Variants in NTM observed in about 807,000 individuals in gnomAD.
NTM encodes neurotrimin.
Under a neutral mutation model 42.1 loss-of-function variants are expected in NTM, and 13 were observed. That is an observed-to-expected ratio of 0.31 (90% CI 0.20 to 0.49). The LOEUF (loss-of-function observed/expected upper bound fraction) is 0.49. NTM is among the 20% of genes least tolerant of loss of function. NTM has a pLI of 0.99. For missense variants in NTM, 373 were observed against 452.8 expected (o/e 0.82, Z 1.60); for synonymous variants, 187 against 179.2 (o/e 1.04, Z -0.35).
chr11:131,977,567 C>G (rs1177479744), intron 2 of NTM, among the ~76,000 whole-genome samples: 1 of 152,204 alleles, frequency 6.6e-6, no homozygotes, highest in Admixed American at 6.5e-5. Flanking sequence ...AGCTCATTGA[C>G]TAATTTACTC....
chr11:131,701,994 T>C (rs1293557083), intron 1 of NTM, among the ~76,000 whole-genome samples: 1 of 152,238 alleles, frequency 6.6e-6, no homozygotes, highest in Non-Finnish European at 1.5e-5. Flanking sequence ...CACACAACCA[T>C]GGCTCCTGTC....
At chr11:131,951,010 T>A (rs1440167754) in intron 2 of NTM, among the ~76,000 whole-genome samples, 1 of 152,206 alleles carries the variant, frequency 6.6e-6, no homozygotes, top group African/African-American at 2.4e-5. Flanking sequence ...ATTGTTTTTT[T>A]TTAATGGACT....
intron 3 of NTM, among the ~76,000 whole-genome samples, chr11:132,192,781 A>G (rs778076164): frequency 3.3e-5 from 5 of 152,186 alleles, no homozygotes; most frequent in Non-Finnish European, 4.4e-5. Flanking sequence ...CAACACCCAT[A>G]GGCTCAAAAT....
At chr11:131,564,001 G>T (rs1235529417) in intron 1 of NTM, among the ~76,000 whole-genome samples, 1 of 152,120 alleles carries the variant, frequency 6.6e-6, no homozygotes, top group East Asian at 1.9e-4. Context: ...CCTGCAACCT[G>T]AGGCCACCAA....
At chr11:132,138,511 G>T (rs963978480) in intron 2 of NTM, among the ~76,000 whole-genome samples, 1 of 152,172 alleles carries the variant, frequency 6.6e-6, no homozygotes, top group Non-Finnish European at 1.5e-5. Flanking sequence ...TGTCATGTTC[G>T]AAGCAGTGTG....
intron 2 of NTM, among the ~76,000 whole-genome samples, chr11:131,974,080 A>C (rs1398908820): frequency 1.3e-5 from 2 of 152,108 alleles, no homozygotes; most frequent in Admixed American, 1.3e-4. Flanking sequence ...TCTTTTCTCT[A>C]GCTTACTTTA....
intron 2 of NTM, among the ~76,000 whole-genome samples, chr11:131,993,865 C>T (rs557624364): frequency 1.7e-4 from 26 of 151,452 alleles, no homozygotes; most frequent in South Asian, 4.2e-4. Context: ...TAGCTGGGTG[C>T]GGTGGTGTGT....
intron 1 of NTM, among the ~76,000 whole-genome samples, chr11:131,570,443 C>A (rs147067110): frequency 1.3e-5 from 2 of 152,156 alleles, no homozygotes; most frequent in Admixed American, 1.3e-4. Context: ...GAAAGAGATG[C>A]TTTTAGAACA....
intron 2 of NTM, among the ~76,000 whole-genome samples, chr11:132,117,044 A>G (rs1212278913): frequency 6.6e-6 from 1 of 152,218 alleles, no homozygotes; most frequent in Non-Finnish European, 1.5e-5. Context: ...GACTCTCATC[A>G]GCCCCCAAAG....
chr11:131,671,483 G>A (rs2134641786), intron 1 of NTM: 3 of 985,454 alleles, frequency 3.0e-6, no homozygotes, highest in Non-Finnish European at 3.6e-6. Context: ...GGTTGAATCA[G>A]TGTTAGCCCT....
chr11:131,639,986 T>A (rs2064932469), intron 1 of NTM, among the ~76,000 whole-genome samples: 1 of 146,310 alleles, frequency 6.8e-6, no homozygotes, highest in Non-Finnish European at 1.5e-5. Flanking sequence ...AATAATAAAA[T>A]AAAAATAAAT....
intron 4 of NTM, among the ~76,000 whole-genome samples, chr11:132,248,795 GC>G (rs1434105710): frequency 6.6e-6 from 1 of 152,260 alleles, no homozygotes; most frequent in Non-Finnish European, 1.5e-5. Context: ...TGGAGACTCA[GC>G]CGTTGCTATG....
chr11:131,690,618 C>T (rs900445466), intron 1 of NTM, among the ~76,000 whole-genome samples: 1 of 152,254 alleles, frequency 6.6e-6, no homozygotes, highest in Non-Finnish European at 1.5e-5. Context: ...ACAGAACACA[C>T]TTCCCATCTG....
chr11:131,896,350 T>C (rs2052265103), intron 1 of NTM, among the ~76,000 whole-genome samples: 1 of 152,246 alleles, frequency 6.6e-6, no homozygotes, highest in East Asian at 1.9e-4. Flanking sequence ...ATAATATAAA[T>C]GTAAAATAAA....
chr11:132,257,466 C>T (rs548541333), intron 4 of NTM, among the ~76,000 whole-genome samples: 26 of 152,258 alleles, frequency 1.7e-4, no homozygotes, highest in African/African-American at 4.8e-4. Context: ...TAAGAGCTAA[C>T]GGCATCTGTC....
At chr11:131,489,216 C>CA (rs1250615805) in intron 1 of NTM, among the ~76,000 whole-genome samples, 7 of 152,186 alleles carry the variant, frequency 4.6e-5, no homozygotes, top group African/African-American at 1.7e-4. Context: ...CCCTCAGATT[C>CA]ATTCTTCCTT....
At chr11:131,846,280 A>G (rs761876045) in intron 1 of NTM, among the ~76,000 whole-genome samples, 5 of 152,140 alleles carry the variant, frequency 3.3e-5, no homozygotes, top group Non-Finnish European at 7.4e-5. Flanking sequence ...AGAGAGGCAT[A>G]AGAGTTTTGT....
chr11:131,783,802 C>A (rs951010637), intron 1 of NTM, among the ~76,000 whole-genome samples: 1 of 152,100 alleles, frequency 6.6e-6, no homozygotes, highest in African/African-American at 2.4e-5. Flanking sequence ...CTCATCCAAA[C>A]TGAAATCTTT....
At chr11:131,594,923 T>A (rs1266728431) in intron 1 of NTM, among the ~76,000 whole-genome samples, 1 of 152,180 alleles carries the variant, frequency 6.6e-6, no homozygotes, top group Admixed American at 6.5e-5. Context: ...TAGCCATGTG[T>A]CTTTAAGCCA....
Sources: allele counts gnomAD v4.1 joint callset (sites outside exome capture counted in the v4.1 genomes callset), GRCh38; gene constraint gnomAD v4.1.1; transcripts MANE v1.5; gene names NCBI Gene and HGNC (gene_info 2026-07-23, HGNC 2026-07-21).